Variants in HERC3 observed in about 807,000 individuals in gnomAD.
The protein encoded by HERC3 is probable E3 ubiquitin-protein ligase HERC3.
A neutral mutation model predicts 129.9 loss-of-function variants in HERC3; 58 were observed. The observed-to-expected ratio is 0.45, with a 90% CI of 0.36 to 0.56. The LOEUF is 0.56. Ranked by LOEUF, HERC3 falls within the 20% of genes least tolerant of loss-of-function variation. HERC3 has a pLI of 0.00. For synonymous variants in HERC3, 430 were observed against 451.0 expected (o/e 0.95, Z 0.59); for missense variants, 835 against 1,244.2 (o/e 0.67, Z 4.95).
chr4:88,677,850 A>C (rs1732332347), intron 18 of HERC3, 114 bp from the exon 19 acceptor site: 5 of 867,124 alleles, frequency 5.8e-6, no homozygotes, highest in Non-Finnish European at 7.1e-6. Flanking sequence ...AGAGGGAAAA[A>C]AATTAACAAA....
chr4:88,578,603 T>G, the HERC3 span, among the ~76,000 whole-genome samples: 2 of 148,484 alleles, frequency 1.3e-5, no homozygotes, highest in Admixed American at 6.7e-5. Context: ...AAAGAAATAG[T>G]CAGAATCTTC....
At chr4:88,698,445 G>A (rs1309317559) in intron 23 of HERC3, among the ~76,000 whole-genome samples, 1 of 152,044 alleles carries the variant, frequency 6.6e-6, no homozygotes, top group Non-Finnish European at 1.5e-5. Flanking sequence ...GACTCCCCTG[G>A]AAGCAGTTTT....
At chr4:88,575,563 T>C in the HERC3 span, among the ~76,000 whole-genome samples, 2 of 152,242 alleles carry the variant, frequency 1.3e-5, no homozygotes. Context: ...CCATTATCTA[T>C]AGTGAAGTTC....
At chr4:88,680,265 A>G (rs767426766) in intron 20 of HERC3, 29 bp downstream of exon 20, 4 of 1,533,216 alleles carry the variant, frequency 2.6e-6, no homozygotes, top group African/African-American at 1.4e-5. Context: ...AATTAAACAG[A>G]TGGATTAAAT....
chr4:88,594,160 CAG>C (rs1052724144), intron 1 of HERC3, among the ~76,000 whole-genome samples: 7 of 152,120 alleles, frequency 4.6e-5, no homozygotes, highest in Admixed American at 4.6e-4. Flanking sequence ...GAAAAAGAAA[CAG>C]GGATTTCAGA....
intron 23 of HERC3, chr4:88,690,392 G>A (rs761536451): frequency 3.3e-5 from 33 of 985,106 alleles, no homozygotes; most frequent in African/African-American, 3.0e-4. Flanking sequence ...TTGTAGATGC[G>A]TGTGAGTACG....
chr4:88,656,074 G>A, intron 9 of HERC3, 39 bp downstream of exon 9: 1 of 1,600,774 alleles, frequency 6.2e-7, no homozygotes, highest in South Asian at 1.1e-5. Flanking sequence ...GGTATTTTAA[G>A]TGATGAAAAC....
the HERC3 span, among the ~76,000 whole-genome samples, chr4:88,543,757 A>G: frequency 2.6e-5 from 4 of 152,232 alleles, no homozygotes; most frequent in Admixed American, 2.6e-4. Flanking sequence ...GGCCTCAGAA[A>G]TAACACCACA....
At chr4:88,681,101 G>T in intron 20 of HERC3, 58 bp from the exon 21 acceptor site, 1 of 1,502,436 alleles carries the variant, frequency 6.7e-7, no homozygotes, top group Non-Finnish European at 8.9e-7. Context: ...ATGGTAGAAT[G>T]TTTGAAGGCC....
At chr4:88,557,676 T>C in the HERC3 span, among the ~76,000 whole-genome samples, 15 of 152,226 alleles carry the variant, frequency 9.9e-5, no homozygotes, top group African/African-American at 3.4e-4. Context: ...AGATCGGATG[T>C]GGTGAAAAGG....
rs1023321384 is a variant in HERC3, at chr4:88,708,243, A to G, written c.*1283A>G. On this transcript the variant is annotated 3_prime_UTR_variant, in exon 26 of 26. Transcript: ENST00000402738. ...TCATCATGGAGTAAGAAAATTCTAC[A>G]TGATTAAAGAATCCATGTAAGTCTA... 1.3e-5 allele frequency: 2 copies of G among 152,770 alleles called. No individual in the cohort carries two copies. The highest frequency in any genetic ancestry group is 3.4e-3 in the Middle Eastern group (1 of 294). 9.5% of individuals were successfully genotyped at this position (152,770 alleles called of 1,614,324 possible).
chr4:88,695,207 A>G (rs1397180537), intron 23 of HERC3, among the ~76,000 whole-genome samples: 2 of 152,210 alleles, frequency 1.3e-5, no homozygotes, highest in Non-Finnish European at 2.9e-5. Context: ...TGGCCTGAGC[A>G]TAATGAAGAT....
the HERC3 span, among the ~76,000 whole-genome samples, chr4:88,567,307 T>A: frequency 1.1e-3 from 165 of 152,336 alleles, no homozygotes; most frequent in Middle Eastern, 0.024. Flanking sequence ...TTCTATAACC[T>A]TCTCATACTT....
At chr4:88,660,789 C>A (rs548755192) in intron 10 of HERC3, among the ~76,000 whole-genome samples, 1 of 152,160 alleles carries the variant, frequency 6.6e-6, no homozygotes, top group Admixed American at 6.5e-5. Context: ...TGATTCTTAA[C>A]CTTGGCTGCC....
At position 88,706,819 on chromosome 4, in the gene HERC3, C is replaced by T; in HGVS notation, c.3012C>T (p.Ser1004=). 1 of 1,614,156 alleles carries T rather than the reference C, an allele frequency of 6.2e-7. No homozygotes were observed. Among genetic ancestry groups the T allele is most frequent in the Non-Finnish European group, 8.5e-7 (1 of 1,180,024 alleles). ...CCAGTCTGCAGATTGTCATCCAGTC[C>T]ACAGCCAGCGGGGAGGAGTACTTGC... ...GMASLQIVIQ[S]TASGEEYLPV... Residue 1004 remains serine (S), a synonymous_variant, in exon 26 of 26, where the codon TCC becomes TCT. Transcript: ENST00000402738.
Position 88,634,263 on chromosome 4 carries a change from C to T in HERC3, c.227-15577C>T, listed in dbSNP as rs572348271. Among the ~76,000 whole-genome samples the T allele has an allele frequency of 2.0e-5, 3 of 152,320 alleles. No homozygotes were observed. In the South Asian group the frequency reaches 6.2e-4, roughly 32 times the overall value. Reference sequence around the variant, plus strand: ...CACTCGTGAGCCCATGCTACTGGGGCCTTGGGTCCCAACCATGGAGCCGTG... The same window carrying T: ...CACTCGTGAGCCCATGCTACTGGGGTCTTGGGTCCCAACCATGGAGCCGTG... On this transcript the variant is annotated intron_variant, in intron 3 of 25. Coordinates refer to ENST00000402738, the MANE Select transcript of HERC3 (RefSeq NM_014606.3).
At chr4:88,613,982 G>A (rs1724633459) in intron 3 of HERC3, among the ~76,000 whole-genome samples, 1 of 151,954 alleles carries the variant, frequency 6.6e-6, no homozygotes, top group Non-Finnish European at 1.5e-5. Flanking sequence ...CTGATACTCA[G>A]CCTACATTCT....
intron 23 of HERC3, among the ~76,000 whole-genome samples, chr4:88,688,278 G>A (rs1733693393): frequency 6.6e-6 from 1 of 152,194 alleles, no homozygotes; most frequent in Non-Finnish European, 1.5e-5. Flanking sequence ...TACGGATGAA[G>A]GGAGACTATA....
chr4:88,560,194 AAG>A, the HERC3 span, among the ~76,000 whole-genome samples: 1 of 152,030 alleles, frequency 6.6e-6, no homozygotes, highest in African/African-American at 2.4e-5. Context: ...TCCTGACCTC[AAG>A]TGATCCACCC....
Sources: allele counts gnomAD v4.1 joint callset (sites outside exome capture counted in the v4.1 genomes callset), GRCh38; gene constraint gnomAD v4.1.1; transcripts MANE v1.5; gene names NCBI Gene and HGNC (gene_info 2026-07-23, HGNC 2026-07-21).